Variants in DGCR8 observed in about 807,000 individuals in gnomAD.
The protein encoded by DGCR8 is microprocessor complex subunit DGCR8.
DGCR8 carries 14 observed loss-of-function variants against 78.5 expected under a neutral mutation model. The observed-to-expected ratio is 0.18, with a 90% confidence interval of 0.12 to 0.28. The LOEUF is 0.28. Among genes scored for constraint, DGCR8 ranks in the 10% least tolerant of loss-of-function variants. DGCR8 has a pLI of 1.00. For synonymous variants in DGCR8, 399 were observed against 402.4 expected, an observed-to-expected ratio of 0.99 and a Z score of 0.10; for missense variants, 702 against 1,022.5, an observed-to-expected ratio of 0.69 and a Z score of 4.28.
At chr22:20,092,137 G>A (rs957105029) in intron 7 of DGCR8, among the ~76,000 whole-genome samples, 167 bp downstream of exon 7, 4 of 152,178 alleles carry the variant, frequency 2.6e-5, no homozygotes, top group East Asian at 1.9e-4. Flanking sequence ...CTGGAGCCGC[G>A]CCCCATCTGA....
At position 20,087,028 on chromosome 22, in the gene DGCR8, T is replaced by C; in HGVS notation, c.721-134T>C. The C allele has an allele frequency of 1.7e-6, 2 of 1,178,974 alleles. No homozygotes were observed. Among genetic ancestry groups the C allele is most frequent in the Non-Finnish European group, 2.4e-6 (2 of 839,364 alleles). The allele number at this position is 1,178,974 out of a possible 1,614,324, so 73.0% of individuals were successfully genotyped here. On this transcript the variant is annotated intron_variant, in intron 2 of 13. Transcript: ENST00000351989. The surrounding 1 kb of genome is among the most constrained non-coding windows in gnomAD (Gnocchi z 4.1). Reference sequence around the variant, plus strand: ...ATCCTGTTTGTTTTTCAGATGATCATGCACCCTAAGGGCACATCTAGGCCC... The same window carrying C: ...ATCCTGTTTGTTTTTCAGATGATCACGCACCCTAAGGGCACATCTAGGCCC...
At chr22:20,082,644 G>A (rs968954631) in intron 1 of DGCR8, among the ~76,000 whole-genome samples, 6 of 152,192 alleles carry the variant, frequency 3.9e-5, no homozygotes, top group African/African-American at 1.4e-4. Context: ...TGGGATTACA[G>A]TCGTGCACCA....
chr22:20,094,501 G>T (rs2049604028), intron 8 of DGCR8, among the ~76,000 whole-genome samples: 1 of 152,224 alleles, frequency 6.6e-6, no homozygotes, highest in Admixed American at 6.5e-5. Flanking sequence ...CACACCCAGT[G>T]TGGCCCGTGA....
rs751157026 is a variant in DGCR8, at chr22:20,091,625, A to G, written c.1497A>G (p.Thr499=). The change falls in exon 6 of 14, where the codon ACA becomes ACG. Residue 499 remains threonine (T), a synonymous_variant. Transcript: ENST00000351989. ...LITLSVQDAP[T]KKEFVINPNG... ...CTTTATCAGTGCAAGATGCACCCAC[A>G]AAGAAAGGTATAAGCCTCTGCATTT... is the stretch of plus-strand genomic sequence containing the variant. 3 of 1,614,064 alleles carry G rather than the reference A, an allele frequency of 1.9e-6. No homozygotes were observed. The highest frequency in any genetic ancestry group is 2.5e-6 in the Non-Finnish European group (3 of 1,180,030).
chr22:20,111,256 G>C lies in DGCR8; in HGVS notation c.*1148G>C. 2.5e-6 allele frequency: 1 copy of C among 398,820 alleles called. No homozygotes were observed. Among genetic ancestry groups the C allele is most frequent in the East Asian group, 3.6e-5 (1 of 28,070 alleles). The allele number at this position is 398,820 out of a possible 1,614,324, so 24.7% of individuals were successfully genotyped here. A position where few individuals can be genotyped will look rare whatever the true frequency, so the allele number is the denominator to read the frequency against. ...AAAGGCTGGCCCTGGTGGTGGACTGGCACCTGTGCAGAGTGCCGTGTGCTT... is the reference window on the plus strand; with the variant it reads ...AAAGGCTGGCCCTGGTGGTGGACTGCCACCTGTGCAGAGTGCCGTGTGCTT... On this transcript the variant is annotated 3_prime_UTR_variant, in exon 14 of 14. Transcript: ENST00000351989.
Position 20,087,406 on chromosome 22 carries a change from C to T in DGCR8, c.880+85C>T. 6.8e-7 allele frequency: 1 copy of T among 1,472,234 alleles called. No individual in the cohort carries two copies. 91.2% of individuals were successfully genotyped at this position (1,472,234 alleles called of 1,614,324 possible). A position where few individuals can be genotyped will look rare whatever the true frequency, so the allele number is the denominator to read the frequency against. On this transcript the variant is annotated intron_variant, in intron 3 of 13. Coordinates refer to ENST00000351989, the MANE Select transcript of DGCR8 (RefSeq NM_022720.7). This position sits in a 1 kb window ranked among gnomAD's most constrained non-coding sequence, Gnocchi z 4.1. ...TTAGCAGAAATGCTTTGAGAGAGCT[C>T]TGGTGCCAGGTAGTGGGCTGGGTGG...
chr22:20,103,539 C>G (rs887937454), intron 9 of DGCR8, among the ~76,000 whole-genome samples: 1 of 151,938 alleles, frequency 6.6e-6, no homozygotes, highest in African/African-American at 2.4e-5. Context: ...AAAATGTGTT[C>G]CTGGGATAAG....
chr22:20,094,590 C>G (rs1437668968), intron 8 of DGCR8, 123 bp from the exon 9 acceptor site: 1 of 851,106 alleles, frequency 1.2e-6, no homozygotes, highest in Admixed American at 1.9e-5. Flanking sequence ...GCTGTCTCTC[C>G]TCAGGGCCCT....
At chr22:20,101,700 C>T in intron 9 of DGCR8, 2 of 985,410 alleles carry the variant, frequency 2.0e-6, no homozygotes, top group Non-Finnish European at 2.4e-6. Context: ...TGGCCATCTC[C>T]TGTTCCTGGG....
Position 20,110,918 on chromosome 22 carries a change from C to T in DGCR8, c.*810C>T. 1 of 346,862 alleles carries T rather than the reference C, an allele frequency of 2.9e-6. No individual in the cohort carries two copies. The highest frequency in any genetic ancestry group is 4.3e-5 in the East Asian group (1 of 23,256). The allele number at this position is 346,862 out of a possible 1,614,324, so 21.5% of individuals were successfully genotyped here. On this transcript the variant is annotated 3_prime_UTR_variant, in exon 14 of 14. Transcript: ENST00000351989. ...AACAGTTTTTTACAAAGATTTTTTG[C>T]AGTCGAGTCCATATGTCCACCCATT...
chr22:20,085,369 G>A lies in DGCR8; in HGVS notation c.-277-318G>A, dbSNP rs183827279. Among the ~76,000 whole-genome samples, 140 of 152,316 alleles carry A rather than the reference G, an allele frequency of 9.2e-4. No homozygotes were observed. Among genetic ancestry groups the A allele is most frequent in the African/African-American group, 3.2e-3 (133 of 41,564 alleles). On this transcript the variant is annotated intron_variant, in intron 1 of 13. Transcript: ENST00000351989. The surrounding 1 kb of genome is among the most constrained non-coding windows in gnomAD (Gnocchi z 6.2). ...TCCCACTGCATGCTTGCTTATCTGAGTTAGAAGAATGCTGTGGTGGAGTTT... is the reference window on the plus strand; with the variant it reads ...TCCCACTGCATGCTTGCTTATCTGAATTAGAAGAATGCTGTGGTGGAGTTT...
At chr22:20,101,521 C>T (rs1013931900) in intron 9 of DGCR8, 67 of 923,934 alleles carry the variant, frequency 7.3e-5, no homozygotes, top group South Asian at 1.5e-4. Flanking sequence ...GAGCTTGCAG[C>T]GAGCTGAGAT....
At chr22:20,088,914 C>G (rs959102941) in intron 3 of DGCR8, among the ~76,000 whole-genome samples, 30 of 152,218 alleles carry the variant, frequency 2.0e-4, no homozygotes, top group African/African-American at 7.2e-4. Flanking sequence ...TCCCAAGTAG[C>G]CAGGACTATA....
intron 13 of DGCR8, 101 bp from the exon 14 acceptor site, chr22:20,109,924 C>A: frequency 1.7e-6 from 2 of 1,165,928 alleles, no homozygotes; most frequent in Non-Finnish European, 2.5e-6. Context: ...GGCTCCAGGG[C>A]CTCCTGGCAT....
intron 9 of DGCR8, among the ~76,000 whole-genome samples, chr22:20,095,244 T>TA (rs563706444): frequency 3.3e-4 from 50 of 152,304 alleles, no homozygotes; most frequent in Middle Eastern, 3.4e-3. Context: ...TAGCTGGGAT[T>TA]ACAGGTGTGT....
At chr22:20,093,870 T>G (rs1602485652) in intron 8 of DGCR8, among the ~76,000 whole-genome samples, 1 of 152,228 alleles carries the variant, frequency 6.6e-6, no homozygotes, top group East Asian at 1.9e-4. Context: ...TGGTGTTGGG[T>G]GTACCCCAGG....
chr22:20,102,231 T>C, intron 9 of DGCR8: 3 of 324,082 alleles, frequency 9.3e-6, no homozygotes, highest in Non-Finnish European at 1.3e-5. Flanking sequence ...TCTTCTTTGT[T>C]GGTCAAACTC....
rs1293558138 is a variant in DGCR8 at position 20,089,156 on chromosome 22, A to G, written c.881-513A>G. Among the ~76,000 whole-genome samples, 1 of 152,256 alleles carries G rather than the reference A, an allele frequency of 6.6e-6. No individual in the cohort carries two copies. Among genetic ancestry groups the G allele is most frequent in the African/African-American group, 2.4e-5 (1 of 41,474 alleles). On this transcript the variant is annotated intron_variant, in intron 3 of 13. Coordinates refer to ENST00000351989, the MANE Select transcript of DGCR8 (RefSeq NM_022720.7). The surrounding 1 kb of genome is among the most constrained non-coding windows in gnomAD (Gnocchi z 4.9). ...CTCACAACTGCCTATAAAGCAAAGA[A>G]GGGGTTGGGAGTAGTGTATTAAACC...
chr22:20,096,567 T>C, intron 9 of DGCR8: 3 of 758,620 alleles, frequency 4.0e-6, no homozygotes, highest in Non-Finnish European at 4.8e-6. Flanking sequence ...TTTTAAACTA[T>C]ATAAGTGGAT....
Sources: allele counts gnomAD v4.1 joint callset (sites outside exome capture counted in the v4.1 genomes callset), GRCh38; gene constraint gnomAD v4.1.1; non-coding constraint Gnocchi (gnomAD v3.1); transcripts MANE v1.5; gene names NCBI Gene and HGNC (gene_info 2026-07-23, HGNC 2026-07-21).